CDON: variants seen among roughly 807,000 people sequenced by gnomAD.
The protein encoded by CDON is cell adhesion molecule-related/down-regulated by oncogenes.
In CDON, 73 loss-of-function variants were observed where a neutral mutation model predicts 120.9. That is an observed-to-expected ratio of 0.60 (90% CI 0.50 to 0.73). The LOEUF (loss-of-function observed/expected upper bound fraction) is 0.73. Among genes scored for constraint, CDON ranks in the 30% least tolerant of loss-of-function variants. The pLI is 0.00. For missense variants in CDON, 1,470 were observed against 1,587.3 expected, an observed-to-expected ratio of 0.93 and a Z score of 1.26; for synonymous variants, 566 against 573.5, an observed-to-expected ratio of 0.99 and a Z score of 0.19.
chr11:126,059,509 C>T (rs1158188010), intron 1 of CDON, among the ~76,000 whole-genome samples: 3 of 151,108 alleles, frequency 2.0e-5, no homozygotes, highest in Non-Finnish European at 3.0e-5. Context: ...CCCCAATCCC[C>T]GCTCTGCTCC....
chr11:125,961,897 C>T lies in CDON; in HGVS notation c.3458G>A (p.Ser1153Asn). ...PQDGLEMKPL[S>N]HVKVPVCLTS... is the part of the protein sequence containing the mutation. ...CAGGCATACAGGCACCTTCACGTGA[C>T]TGAGGGGCTTCATTTCCAAACCATC... The change falls in exon 19 of 20, where the codon AGT becomes AAT. Residue 1153 changes from serine (S) to asparagine (N), a missense_variant. Transcript: ENST00000531738. The T allele has an allele frequency of 6.2e-7, 1 of 1,614,212 alleles. No individual in the cohort carries two copies. The highest frequency in any genetic ancestry group is 8.5e-7 in the Non-Finnish European group (1 of 1,180,030).
chr11:125,989,697 G>A lies in CDON; in HGVS notation c.2713C>T (p.Gln905Ter), dbSNP rs774393949. The A allele has an allele frequency of 6.2e-7, 1 of 1,612,136 alleles. No homozygotes were observed. The highest frequency in any genetic ancestry group is 8.5e-7 in the Non-Finnish European group (1 of 1,178,318). Residue 905 changes from glutamine to a stop codon, truncating the protein, a stop_gained, in exon 15 of 20, where the codon CAA becomes TAA. Transcript: ENST00000531738. LOFTEE classifies it high-confidence loss of function. ...QPETSYDIKMQCFNEGGESEF... is the reference protein window; with the variant it reads ...QPETSYDIKM ...CTTTCTCCTCCTTCATTGAAGCATT[G>A]CATTTTAATGTCATAGGAGGTTTCT...
intron 7 of CDON, 22 bp from the exon 8 acceptor site, chr11:126,010,716 T>C (rs1234374021): frequency 1.3e-6 from 2 of 1,592,600 alleles, no homozygotes; most frequent in Admixed American, 1.7e-5. Flanking sequence ...GTAATTCACA[T>C]ATGAAAAATG....
intron 14 of CDON, 138 bp downstream of exon 14, chr11:125,994,146 T>C (rs947121922): frequency 1.2e-5 from 8 of 680,794 alleles, no homozygotes; most frequent in African/African-American, 1.8e-5. Flanking sequence ...GTGGCTTTCT[T>C]TGGGACAAAT....
chr11:126,001,933 TGGTA>T (rs1946959034), intron 10 of CDON, 83 bp from the exon 11 acceptor site: 2 of 976,362 alleles, frequency 2.0e-6, no homozygotes, highest in Admixed American at 3.5e-5. Flanking sequence ...GAAACTTACC[TGGTA>T]TGTGGTTATA....
intron 18 of CDON, 54 bp downstream of exon 18, chr11:125,978,250 A>G: frequency 1.1e-6 from 1 of 932,762 alleles, no homozygotes; most frequent in South Asian, 1.4e-5. Flanking sequence ...GGAAAAATAA[A>G]AGGATGCATA....
intron 1 of CDON, among the ~76,000 whole-genome samples, chr11:126,043,760 T>C (rs1050134540): frequency 6.6e-6 from 1 of 152,206 alleles, no homozygotes; most frequent in Non-Finnish European, 1.5e-5. Flanking sequence ...ATCCACTCAC[T>C]TCAGTGTGAA....
chr11:126,019,032 C>A (rs1383175634), intron 4 of CDON, among the ~76,000 whole-genome samples: 1 of 152,180 alleles, frequency 6.6e-6, no homozygotes, highest in African/African-American at 2.4e-5. Context: ...TCTCAAAGCA[C>A]AAGAAACATG....
Position 126,001,701 on chromosome 11 carries a change from A to C in CDON, c.2158+18T>G, listed in dbSNP as rs1391522281. On this transcript the variant is annotated intron_variant, in intron 11 of 19. Transcript: ENST00000531738. Reference sequence around the variant, plus strand: ...CAGTTATATTTGTAAAGAAACAATAAAATATTCTTCTTTTTACCTCCACTG... The same window carrying C: ...CAGTTATATTTGTAAAGAAACAATACAATATTCTTCTTTTTACCTCCACTG... 4 of 1,610,108 alleles carry C rather than the reference A, an allele frequency of 2.5e-6. No homozygotes were observed. The highest frequency in any genetic ancestry group is 3.4e-6 in the Non-Finnish European group (4 of 1,176,716).
In CDON at chr11:126,003,898, T is replaced by C; in HGVS notation, c.2026+4A>G. 6.2e-7 allele frequency: 1 copy of C among 1,613,542 alleles called. No homozygotes were observed. The highest frequency in any genetic ancestry group is 8.5e-7 in the Non-Finnish European group (1 of 1,179,480). ...TCATTCCTCCAAAGGAAGCCCTCAC[T>C]CACCTTTGCTGGTTCGGAAGGTAAG... On this transcript the variant is annotated splice_donor_region_variant and intron_variant, in intron 10 of 19. Transcript: ENST00000531738.
intron 1 of CDON, among the ~76,000 whole-genome samples, chr11:126,040,246 C>CT (rs1400826408): frequency 6.6e-6 from 1 of 152,112 alleles, no homozygotes; most frequent in Non-Finnish European, 1.5e-5. Flanking sequence ...TAAAAAATAA[C>CT]TTTTTAAAAA....
intron 1 of CDON, among the ~76,000 whole-genome samples, chr11:126,036,189 T>C (rs1948093419): frequency 1.3e-5 from 2 of 152,250 alleles, no homozygotes; most frequent in African/African-American, 4.8e-5. Flanking sequence ...TTATTTTTGG[T>C]ATCAATGTAT....
At chr11:125,974,867 A>G (rs531800169) in intron 18 of CDON, among the ~76,000 whole-genome samples, 3 of 152,172 alleles carry the variant, frequency 2.0e-5, no homozygotes, top group African/African-American at 7.2e-5. Flanking sequence ...TACCACCCAG[A>G]TCATCCATGT....
intron 18 of CDON, among the ~76,000 whole-genome samples, chr11:125,974,174 G>C (rs1178625984): frequency 1.3e-5 from 2 of 152,018 alleles, no homozygotes; most frequent in Admixed American, 6.5e-5. Context: ...GGGATTACAG[G>C]CGTGAGCCAC....
chr11:126,020,528 T>C (rs990769178), intron 3 of CDON, among the ~76,000 whole-genome samples: 1 of 152,130 alleles, frequency 6.6e-6, no homozygotes, highest in African/African-American at 2.4e-5. Context: ...CAGCTGTCCA[T>C]GGGTCACAGC....
At chr11:125,986,315 GA>G (rs1166532815) in intron 15 of CDON, among the ~76,000 whole-genome samples, 1 of 152,080 alleles carries the variant, frequency 6.6e-6, no homozygotes, top group African/African-American at 2.4e-5. Context: ...GGGGATGTGG[GA>G]GGGGTAGCAT....
chr11:126,061,607 G>C (rs1439573755), intron 1 of CDON, among the ~76,000 whole-genome samples: 3 of 152,198 alleles, frequency 2.0e-5, no homozygotes, highest in Admixed American at 2.0e-4. Flanking sequence ...TGTTATCAGC[G>C]CCGAAAGGAA....
At chr11:126,003,019 C>T (rs1430803928) in intron 10 of CDON, among the ~76,000 whole-genome samples, 4 of 152,148 alleles carry the variant, frequency 2.6e-5, no homozygotes, top group African/African-American at 9.7e-5. Context: ...TGTCTCTGCT[C>T]CGATGTCGAC....
intron 1 of CDON, among the ~76,000 whole-genome samples, chr11:126,056,404 CA>C (rs1325767719): frequency 1.3e-5 from 2 of 152,160 alleles, no homozygotes; most frequent in Non-Finnish European, 2.9e-5. Context: ...CAGAGGAACC[CA>C]TCCTGCATAT....
Sources: gnomAD v4.1 joint callset for allele counts (sites outside exome capture counted in the v4.1 genomes callset) on GRCh38, gnomAD v4.1.1 for gene constraint, MANE v1.5 for transcripts, NCBI Gene and HGNC (gene_info 2026-07-23, HGNC 2026-07-21) for gene names.